ENTREP2: variants seen among roughly 807,000 people sequenced by gnomAD.
ENTREP2 encodes protein ENTREP2.
the ENTREP2 span, among the ~76,000 whole-genome samples, chr15:29,395,164 A>G: frequency 0.67 from 97,745 of 146,234 alleles, 34,827 homozygotes; most frequent in Admixed American, 0.77. Context: ...CTGGGATTAC[A>G]GGCCTGAGCC....
chr15:29,137,401 G>T, the ENTREP2 span, among the ~76,000 whole-genome samples: 1 of 152,134 alleles, frequency 6.6e-6, no homozygotes, highest in Non-Finnish European at 1.5e-5. Flanking sequence ...TGTTGCCCAC[G>T]CTGTTATACA....
the ENTREP2 span, among the ~76,000 whole-genome samples, chr15:29,523,138 C>G: frequency 8.5e-5 from 13 of 152,280 alleles, no homozygotes; most frequent in East Asian, 2.3e-3. Context: ...GAAGGTAGGG[C>G]TGTCAACTGC....
the ENTREP2 span, among the ~76,000 whole-genome samples, chr15:29,646,124 T>C: frequency 6.6e-6 from 1 of 152,176 alleles, no homozygotes; most frequent in Non-Finnish European, 1.5e-5. Context: ...ATGTCTTCTG[T>C]TCTCTGATTC....
chr15:29,504,301 A>G, the ENTREP2 span, among the ~76,000 whole-genome samples: 1 of 152,196 alleles, frequency 6.6e-6, no homozygotes, highest in African/African-American at 2.4e-5. Flanking sequence ...AGGGCACTCT[A>G]TAGAGGAGTT....
the ENTREP2 span, among the ~76,000 whole-genome samples, chr15:29,649,091 C>CAG: frequency 2.7e-4 from 41 of 150,160 alleles, no homozygotes; most frequent in Non-Finnish European, 5.0e-4. Flanking sequence ...CACACACACA[C>CAG]AGCTATTATG....
chr15:29,130,516 G>C, the ENTREP2 span, among the ~76,000 whole-genome samples: 2 of 152,070 alleles, frequency 1.3e-5, no homozygotes, highest in East Asian at 3.9e-4. Context: ...GGTTAACTTA[G>C]AACTCCGCTG....
the ENTREP2 span, among the ~76,000 whole-genome samples, chr15:29,223,399 G>C: frequency 6.6e-6 from 1 of 152,098 alleles, no homozygotes; most frequent in African/African-American, 2.4e-5. Flanking sequence ...AAGGTGCCCA[G>C]CTCCAATGGC....
At chr15:29,488,867 C>A in the ENTREP2 span, among the ~76,000 whole-genome samples, 3 of 152,102 alleles carry the variant, frequency 2.0e-5, no homozygotes, top group African/African-American at 4.8e-5. Flanking sequence ...GAAATTTACA[C>A]CCACATATTG....
chr15:29,651,879 G>A, the ENTREP2 span, among the ~76,000 whole-genome samples: 3 of 152,250 alleles, frequency 2.0e-5, no homozygotes, highest in African/African-American at 7.2e-5. Flanking sequence ...ATGGACAGCA[G>A]CAGGACGCAG....
At chr15:29,355,668 CTGAT>C in the ENTREP2 span, among the ~76,000 whole-genome samples, 1 of 152,130 alleles carries the variant, frequency 6.6e-6, no homozygotes. Flanking sequence ...GCCAGAAAAA[CTGAT>C]TGCTCAAGAA....
At chr15:29,459,669 A>C in the ENTREP2 span, among the ~76,000 whole-genome samples, 1 of 152,142 alleles carries the variant, frequency 6.6e-6, no homozygotes, top group Non-Finnish European at 1.5e-5. Flanking sequence ...AGTGAAGCCA[A>C]GGTTTGCATA....
the ENTREP2 span, among the ~76,000 whole-genome samples, chr15:29,336,871 C>G: frequency 4.0e-5 from 6 of 151,542 alleles, no homozygotes; most frequent in African/African-American, 1.5e-4. Flanking sequence ...CAACCTAATA[C>G]CCCCTCCATC....
the ENTREP2 span, among the ~76,000 whole-genome samples, chr15:29,546,442 A>T: frequency 1.3e-5 from 2 of 151,310 alleles, no homozygotes; most frequent in Admixed American, 6.6e-5. Flanking sequence ...TAATAGGGGT[A>T]AAAAAAAAGA....
chr15:29,290,456 G>A, the ENTREP2 span, among the ~76,000 whole-genome samples: 4 of 152,110 alleles, frequency 2.6e-5, no homozygotes, highest in Non-Finnish European at 5.9e-5. Context: ...GGTTTTGAAC[G>A]AGTTTTACTT....
the ENTREP2 span, among the ~76,000 whole-genome samples, chr15:29,422,607 G>C: frequency 6.6e-6 from 1 of 152,222 alleles, no homozygotes; most frequent in Non-Finnish European, 1.5e-5. Context: ...TGTAATGTCG[G>C]AAGTTGCTGG....
the ENTREP2 span, among the ~76,000 whole-genome samples, chr15:29,421,468 C>T: frequency 5.9e-5 from 9 of 152,108 alleles, no homozygotes; most frequent in Admixed American, 2.0e-4. Context: ...AATGTGGAGA[C>T]GTAGTAAGTC....
chr15:29,608,312 A>G, the ENTREP2 span, among the ~76,000 whole-genome samples: 1 of 152,040 alleles, frequency 6.6e-6, no homozygotes, highest in East Asian at 1.9e-4. Context: ...TCTGTGTTCA[A>G]AAATAGAGCC....
the ENTREP2 span, among the ~76,000 whole-genome samples, chr15:29,205,463 A>G: frequency 6.6e-6 from 1 of 152,122 alleles, no homozygotes; most frequent in South Asian, 2.1e-4. Flanking sequence ...CAACTTCTCT[A>G]CATCCTCACC....
the ENTREP2 span, among the ~76,000 whole-genome samples, chr15:29,568,830 G>T: frequency 3.9e-5 from 6 of 152,120 alleles, no homozygotes; most frequent in African/African-American, 7.2e-5. Flanking sequence ...TAAAATGTAG[G>T]GGATGATGTG....
Sources: allele counts gnomAD v4.1 joint callset (sites outside exome capture counted in the v4.1 genomes callset), GRCh38; gene constraint gnomAD v4.1.1; transcripts MANE v1.5; gene names NCBI Gene and HGNC (gene_info 2026-07-23, HGNC 2026-07-21).